PCDHGA7: variants seen among roughly 807,000 people sequenced by gnomAD.
PCDHGA7 encodes the protein protocadherin gamma subfamily A, 7.
PCDHGA7 carries 44 observed loss-of-function variants against 58.3 expected under a neutral mutation model. That is an observed-to-expected ratio of 0.75 (90% CI 0.59 to 0.97). The LOEUF is 0.97. Among genes scored for constraint, PCDHGA7 ranks in the 50% least tolerant of loss-of-function variants. PCDHGA7 has a pLI of 0.00. For missense variants in PCDHGA7, 1,266 were observed against 1,188.7 expected (o/e 1.06, Z -0.96); for synonymous variants, 516 against 504.2 (o/e 1.02, Z -0.31).
At position 141,382,875 on chromosome 5, in the gene PCDHGA7, C is replaced by T. The variant is rs531192742; in HGVS notation, c.-25C>T. On this transcript the variant is annotated 5_prime_UTR_variant, in exon 1 of 4. Transcript: ENST00000518325. ...TCTGAAGCACTTCCCGAGATCGGCG[C>T]CTAAGCAAGAGAAGCAGGACGACTA... 5 of 1,524,466 alleles carry T rather than the reference C, an allele frequency of 3.3e-6. No individual in the cohort carries two copies. In the East Asian group the frequency reaches 1.1e-4, roughly 35 times the overall value. The allele number at this position is 1,524,466 out of a possible 1,614,324, so 94.4% of individuals were successfully genotyped here. A position where few individuals can be genotyped will look rare whatever the true frequency, so the allele number is the denominator to read the frequency against.
At position 141,511,481 on chromosome 5, in the gene PCDHGA7, ACTC is replaced by A. The variant is rs2154594681; in HGVS notation, c.*313_*315del. On this transcript the variant is annotated 3_prime_UTR_variant, in exon 4 of 4. Coordinates refer to ENST00000518325, the MANE Select transcript of PCDHGA7 (RefSeq NM_018920.4). ...CCACACCCCGTTTAGTTACAGCTGAACTCCTCCATCTTCCAAATCAATCAGGCC... is the reference window on the plus strand; with the variant it reads ...CCACACCCCGTTTAGTTACAGCTGAACTCCATCTTCCAAATCAATCAGGCC... 2 of 464,080 alleles carry A rather than the reference ACTC, an allele frequency of 4.3e-6. No individual in the cohort carries two copies. The highest frequency in any genetic ancestry group is 7.7e-6 in the Non-Finnish European group (2 of 260,856). The allele number at this position is 464,080 out of a possible 1,614,324, so 28.7% of individuals were successfully genotyped here.
chr5:141,394,292 G>A (rs1173905383), intron 1 of PCDHGA7: 18 of 1,613,852 alleles, frequency 1.1e-5, no homozygotes, highest in Non-Finnish European at 1.4e-5. Flanking sequence ...CTGTGACCGA[G>A]GACACGCTGC....
In PCDHGA7 at chr5:141,385,055, G is replaced by A. The variant is rs773905363; in HGVS notation, c.2156G>A (p.Trp719Ter). The change falls in exon 1 of 4, where the codon TGG (tryptophan) becomes TAG (stop). Residue 719 changes from tryptophan (W) to a stop codon, truncating the protein, a stop_gained. Transcript: ENST00000518325. LOFTEE classifies it high-confidence loss of function. ...LVLLALRLRR[W>*]HKSRLLQASE... is the part of the protein sequence containing the mutation. ...CTGCTGGCGCTCAGGCTGCGGCGCT[G>A]GCACAAGTCACGCCTGCTGCAGGCT... The A allele has an allele frequency of 1.9e-6, 3 of 1,614,182 alleles. No individual in the cohort carries two copies. Among genetic ancestry groups the A allele is most frequent in the South Asian group, 1.1e-5 (1 of 91,088 alleles).
intron 1 of PCDHGA7, chr5:141,441,477 C>T (rs529495102): frequency 1.2e-4 from 20 of 170,782 alleles, no homozygotes; most frequent in Middle Eastern, 5.7e-4. Context: ...ATGCCAACGA[C>T]AATGCTCTGG....
intron 1 of PCDHGA7, among the ~76,000 whole-genome samples, chr5:141,453,065 G>A (rs1308047230): frequency 3.3e-5 from 5 of 151,960 alleles, no homozygotes; most frequent in African/African-American, 1.2e-4. Flanking sequence ...TTAGAGTTTT[G>A]CCACACTCTG....
chr5:141,405,704 C>T (rs1589592020), intron 1 of PCDHGA7, among the ~76,000 whole-genome samples: 1 of 152,286 alleles, frequency 6.6e-6, no homozygotes, highest in East Asian at 1.9e-4. Context: ...TCTTGAATTC[C>T]TAACCTCAAG....
intron 1 of PCDHGA7, among the ~76,000 whole-genome samples, chr5:141,448,952 C>A (rs1278778374): frequency 2.6e-5 from 4 of 151,698 alleles, no homozygotes; most frequent in Non-Finnish European, 5.9e-5. Flanking sequence ...CTCAAAAAAA[C>A]AAACAAACAA....
At chr5:141,389,512 A>T in intron 1 of PCDHGA7, 1 of 1,613,138 alleles carries the variant, frequency 6.2e-7, no homozygotes, top group Non-Finnish European at 8.5e-7. Context: ...CTCAGCGCGA[A>T]CGTGAGCCTG....
chr5:141,497,858 C>T (rs920483410), intron 2 of PCDHGA7, among the ~76,000 whole-genome samples: 3 of 152,218 alleles, frequency 2.0e-5, no homozygotes, highest in Non-Finnish European at 2.9e-5. Flanking sequence ...TTTGATTCAG[C>T]GGCTCCAAAG....
chr5:141,501,290 T>TACACAC lies in PCDHGA7; in HGVS notation c.2484-4064_2484-4059dup, dbSNP rs55762287. Among the ~76,000 whole-genome samples the TACACAC allele has an allele frequency of 5.7e-3, 774 of 136,224 alleles. 5 individuals are homozygous for TACACAC. The highest frequency in any genetic ancestry group is 9.9e-3 in the African/African-American group (361 of 36,504). The allele number at this position is 136,224 out of a possible 152,430, so 89.4% of individuals were successfully genotyped here. A position where few individuals can be genotyped will look rare whatever the true frequency, so the allele number is the denominator to read the frequency against. ...GTCCAGTCTATGGGATATTCCCTTA[T>TACACAC]ACACACACACACACACACACACACA... On this transcript the variant is annotated intron_variant, in intron 2 of 3. Transcript: ENST00000518325.
At chr5:141,427,327 C>T (rs2097016376) in intron 1 of PCDHGA7, 1 of 457,028 alleles carries the variant, frequency 2.2e-6, no homozygotes, top group African/African-American at 2.0e-5. Flanking sequence ...GTGGTTTTTA[C>T]TTCAGTGTCC....
chr5:141,447,824 G>T (rs926580893), intron 1 of PCDHGA7, among the ~76,000 whole-genome samples: 2 of 152,034 alleles, frequency 1.3e-5, no homozygotes, highest in Non-Finnish European at 2.9e-5. Context: ...GGTGGCTCAC[G>T]CCTGTAATCC....
chr5:141,492,962 C>T (rs1197532146), intron 1 of PCDHGA7, among the ~76,000 whole-genome samples: 2 of 152,258 alleles, frequency 1.3e-5, no homozygotes, highest in Non-Finnish European at 2.9e-5. Context: ...CTATCTGACA[C>T]TCTAACAAGT....
intron 3 of PCDHGA7, among the ~76,000 whole-genome samples, chr5:141,505,995 C>T (rs1041284805): frequency 5.3e-5 from 8 of 152,142 alleles, no homozygotes; most frequent in African/African-American, 1.4e-4. Flanking sequence ...CCTCTTTATG[C>T]GAGGCTCCTC....
intron 1 of PCDHGA7, chr5:141,393,441 C>G: frequency 6.2e-7 from 1 of 1,614,070 alleles, no homozygotes; most frequent in African/African-American, 1.3e-5. Flanking sequence ...TGCTCACCAC[C>G]TGGTCCTCAC....
chr5:141,390,060 C>G, intron 1 of PCDHGA7: 3 of 1,614,082 alleles, frequency 1.9e-6, no homozygotes, highest in Non-Finnish European at 2.5e-6. Flanking sequence ...GAGCTGCTTC[C>G]AGCCTGGTCT....
rs762770481 is a variant in PCDHGA7, at chr5:141,432,320, G to GACT, written c.2424+47000_2424+47002dup. On this transcript the variant is annotated intron_variant, in intron 1 of 3. Coordinates refer to ENST00000518325, the MANE Select transcript of PCDHGA7 (RefSeq NM_018920.4). This position sits in a 1 kb window ranked among gnomAD's most constrained non-coding sequence, Gnocchi z 6.0. ...GGTACTGTATGCGCTGAGCTCCTTC[G>GACT]ACTACGAGCAGTTCCGAGACTTGCA... is the stretch of plus-strand genomic sequence containing the variant. The GACT allele has an allele frequency of 2.6e-5, 42 of 1,614,238 alleles. No individual in the cohort carries two copies. The highest frequency in any genetic ancestry group is 3.6e-5 in the Non-Finnish European group (42 of 1,180,038).
chr5:141,413,033 T>G, intron 1 of PCDHGA7: 1 of 776,760 alleles, frequency 1.3e-6, no homozygotes, highest in Non-Finnish European at 2.0e-6. Context: ...ACAAACCGGC[T>G]GCTGGGCTGC....
In PCDHGA7 at chr5:141,486,005, A is replaced by G. The variant is rs1057476811; in HGVS notation, c.2425-8802A>G. On this transcript the variant is annotated intron_variant, in intron 1 of 3. Transcript: ENST00000518325. This position sits in a 1 kb window ranked among gnomAD's most constrained non-coding sequence, Gnocchi z 5.0. Reference sequence around the variant, plus strand: ...GGACCTGGGTCCCAGTGGTAACGTCACCTTTTATTTCAGTGGTCATACCCC... The same window carrying G: ...GGACCTGGGTCCCAGTGGTAACGTCGCCTTTTATTTCAGTGGTCATACCCC... 1.9e-6 allele frequency: 3 copies of G among 1,613,936 alleles called. No homozygotes were observed. The Admixed American group carries it at 5.0e-5, about 27-fold the overall frequency.
Sources: allele counts gnomAD v4.1 joint callset (sites outside exome capture counted in the v4.1 genomes callset), GRCh38; gene constraint gnomAD v4.1.1; non-coding constraint Gnocchi (gnomAD v3.1); transcripts MANE v1.5; gene names NCBI Gene and HGNC (gene_info 2026-07-23, HGNC 2026-07-21).